Variants in LRRFIP2 observed in about 807,000 individuals in gnomAD.
LRRFIP2 encodes the protein LRR binding FLII interacting protein 2, also known as leucine-rich repeat flightless-interacting protein 2.
In LRRFIP2, 109 loss-of-function variants were observed where a neutral mutation model predicts 125.9. That is an observed-to-expected ratio of 0.87 (90% CI 0.74 to 1.01). The LOEUF is 1.01. LRRFIP2 is among the 50% of genes least tolerant of loss of function. The probability of loss-of-function intolerance (pLI) is 0.00; values close to 1 mark genes in which losing one functional copy is unlikely to be tolerated. For synonymous variants in LRRFIP2, 291 were observed against 293.1 expected (o/e 0.99, Z 0.07); for missense variants, 850 against 862.3 (o/e 0.99, Z 0.18).
At chr3:37,061,408 CTTTT>C (rs759985322) in intron 24 of LRRFIP2, among the ~76,000 whole-genome samples, 1 of 138,778 alleles carries the variant, frequency 7.2e-6, no homozygotes, top group Non-Finnish European at 1.6e-5. Context: ...TTCTTTTTTC[CTTTT>C]TTTTTTTTTT....
At position 37,121,519 on chromosome 3, in the gene LRRFIP2, C is replaced by CA. The variant is rs768557784; in HGVS notation, c.302dup (p.Leu101PhefsTer12). 5 of 1,613,880 alleles carry CA rather than the reference C, an allele frequency of 3.1e-6. No individual in the cohort carries two copies. Among genetic ancestry groups the CA allele is most frequent in the African/African-American group, 2.7e-5 (2 of 74,906 alleles). On this transcript the variant is annotated frameshift_variant, in exon 6 of 28. Transcript: ENST00000336686. LOFTEE classifies it high-confidence loss of function. The stretch of plus-strand genomic sequence containing the variant: ...TGTGACTGCCAACACTTCGAATGGA[C>CA]AATGCATCCTCAACTCCCTGATAAA...
chr3:37,129,711 G>A (rs1051710446), intron 2 of LRRFIP2, among the ~76,000 whole-genome samples: 8 of 152,104 alleles, frequency 5.3e-5, no homozygotes, highest in African/African-American at 4.8e-5. Flanking sequence ...ATACAATTCC[G>A]ACTGGATGCA....
intron 15 of LRRFIP2, among the ~76,000 whole-genome samples, chr3:37,100,959 C>T (rs1416590646): frequency 6.6e-6 from 1 of 152,138 alleles, no homozygotes; most frequent in Non-Finnish European, 1.5e-5. Flanking sequence ...ATAAAATTAT[C>T]TTCTAGAATT....
intron 15 of LRRFIP2, among the ~76,000 whole-genome samples, chr3:37,096,990 T>C (rs752447400): frequency 1.3e-5 from 2 of 152,048 alleles, no homozygotes; most frequent in African/African-American, 2.4e-5. Flanking sequence ...AAAAAAAGCT[T>C]GTACATATCA....
intron 4 of LRRFIP2, among the ~76,000 whole-genome samples, chr3:37,123,337 A>G (rs979403061): frequency 6.6e-6 from 1 of 151,728 alleles, no homozygotes; most frequent in Non-Finnish European, 1.5e-5. Flanking sequence ...GACCACAGGC[A>G]CCCACCACCA....
chr3:37,154,664 AACAG>A (rs1404777491), intron 1 of LRRFIP2: 1 of 152,232 alleles, frequency 6.6e-6, no homozygotes, highest in Non-Finnish European at 1.5e-5. Context: ...AACCTTCCAA[AACAG>A]ACAGATATTT....
At chr3:37,167,197 CAAAAA>C (rs570958652) in intron 1 of LRRFIP2, among the ~76,000 whole-genome samples, 1 of 50,942 alleles carries the variant, frequency 2.0e-5, no homozygotes. Context: ...ATCTTGTCTC[CAAAAA>C]AAAAAAAAAA....
chr3:37,056,432 T>C (rs555078781), intron 25 of LRRFIP2, among the ~76,000 whole-genome samples: 1 of 151,924 alleles, frequency 6.6e-6, no homozygotes, highest in South Asian at 2.1e-4. Flanking sequence ...CAATTACTTA[T>C]ACAGTCTTCA....
At chr3:37,149,126 A>G in intron 1 of LRRFIP2, 88 bp from the exon 2 acceptor site, 3 of 1,085,178 alleles carry the variant, frequency 2.8e-6, no homozygotes, top group Non-Finnish European at 3.8e-6. Context: ...CAGAGAAATT[A>G]GTCACCAAAT....
intron 26 of LRRFIP2, among the ~76,000 whole-genome samples, chr3:37,054,770 G>A (rs2148577793): frequency 6.6e-6 from 1 of 152,314 alleles, no homozygotes; most frequent in East Asian, 1.9e-4. Flanking sequence ...TATTGTTTAA[G>A]TGCCAAAGCA....
chr3:37,130,654 G>A (rs768570144), intron 2 of LRRFIP2, among the ~76,000 whole-genome samples: 4 of 152,172 alleles, frequency 2.6e-5, no homozygotes, highest in East Asian at 1.9e-4. Context: ...CTCTCAGGAC[G>A]TCAATCATCC....
At chr3:37,165,783 A>G (rs1055034896) in intron 1 of LRRFIP2, among the ~76,000 whole-genome samples, 47 of 140,108 alleles carry the variant, frequency 3.4e-4, no homozygotes, top group Admixed American at 1.5e-4. Flanking sequence ...AAGAAAAGAA[A>G]AGAGAAAGAA....
chr3:37,071,815 G>A (rs1056006697), intron 21 of LRRFIP2, among the ~76,000 whole-genome samples: 1 of 152,126 alleles, frequency 6.6e-6, no homozygotes, highest in Non-Finnish European at 1.5e-5. Flanking sequence ...TTCCCCTACT[G>A]TAGAACAGAG....
chr3:37,069,880 AC>A (rs778971696), intron 21 of LRRFIP2, among the ~76,000 whole-genome samples: 1 of 152,130 alleles, frequency 6.6e-6, no homozygotes, highest in Non-Finnish European at 1.5e-5. Context: ...GAGCAAAACT[AC>A]ACAAATGAAG....
intron 6 of LRRFIP2, among the ~76,000 whole-genome samples, chr3:37,120,333 G>A (rs577184643): frequency 4.0e-5 from 6 of 151,336 alleles, no homozygotes; most frequent in East Asian, 4.0e-4. Context: ...TTGAACTCCC[G>A]ATCTCAGGTG....
chr3:37,121,841 CGTGTGT>C (rs60540567), intron 4 of LRRFIP2, 150 bp from the exon 5 acceptor site: 47,219 of 517,798 alleles, frequency 0.091, 685 homozygotes, highest in East Asian at 0.16. Flanking sequence ...CAGCCACATT[CGTGTGT>C]GTGTGTGTGT....
At chr3:37,103,446 C>T (rs917291518) in intron 14 of LRRFIP2, among the ~76,000 whole-genome samples, 2 of 152,160 alleles carry the variant, frequency 1.3e-5, no homozygotes, top group African/African-American at 2.4e-5. Context: ...GTGTTTACTG[C>T]ACCTTTTCTC....
At chr3:37,135,162 GT>G in intron 2 of LRRFIP2, 4 of 996,496 alleles carry the variant, frequency 4.0e-6, no homozygotes, top group Non-Finnish European at 4.5e-6. Flanking sequence ...TTAAATTACT[GT>G]TTAAAAAAAA....
chr3:37,079,630 T>C (rs2092447902), intron 19 of LRRFIP2, among the ~76,000 whole-genome samples: 1 of 152,060 alleles, frequency 6.6e-6, no homozygotes, highest in Non-Finnish European at 1.5e-5. Context: ...ATACAAATGT[T>C]TATGGAAGCA....
Sources: allele counts gnomAD v4.1 joint callset (sites outside exome capture counted in the v4.1 genomes callset), GRCh38; gene constraint gnomAD v4.1.1; transcripts MANE v1.5; gene names NCBI Gene and HGNC (gene_info 2026-07-23, HGNC 2026-07-21).